The following SON variants were observed in gnomAD, a reference collection of about 807,000 sequenced individuals.
The protein encoded by SON is protein SON.
SON carries 4 observed loss-of-function variants against 173.3 expected under a neutral mutation model. The observed-to-expected ratio is 0.02, with a 90% confidence interval of 0.01 to 0.05. The LOEUF is 0.05. Ranked by LOEUF, SON falls within the 10% of genes least tolerant of loss-of-function variation. The probability of loss-of-function intolerance (pLI) is 1.00; values close to 1 mark genes in which losing one functional copy is unlikely to be tolerated. For missense variants in SON, 2,626 were observed against 3,055.3 expected (o/e 0.86, Z 3.31); for synonymous variants, 1,190 against 1,105.9 (o/e 1.08, Z -1.51).
At chr21:33,556,948 CTT>C (rs1275588148) in intron 3 of SON, among the ~76,000 whole-genome samples, 2 of 151,176 alleles carry the variant, frequency 1.3e-5, no homozygotes, top group Non-Finnish European at 2.9e-5. Context: ...TGCTGAAAAA[CTT>C]TGAGCCAGTG....
chr21:33,556,687 C>T (rs1158355132), intron 3 of SON, among the ~76,000 whole-genome samples: 3 of 146,764 alleles, frequency 2.0e-5, no homozygotes. Flanking sequence ...GCACTGCAGC[C>T]TGGGCGACAG....
chr21:33,543,320 C>T (rs946173973), intron 1 of SON, 151 bp downstream of exon 1: 3 of 668,290 alleles, frequency 4.5e-6, no homozygotes, highest in Admixed American at 2.5e-5. Flanking sequence ...CGGGCCCCCC[C>T]CAACCGCCCC....
chr21:33,572,408 G>A (rs1420267059), intron 8 of SON: 3 of 403,660 alleles, frequency 7.4e-6, no homozygotes, highest in African/African-American at 2.1e-5. Flanking sequence ...CCATGCTAAT[G>A]TATATATACT....
At chr21:33,573,052 A>T in intron 8 of SON, 1 of 310,500 alleles carries the variant, frequency 3.2e-6, no homozygotes, top group Non-Finnish European at 5.9e-6. Flanking sequence ...TTTTTTTTTG[A>T]GGGGGGCACG....
chr21:33,562,546 C>T (rs1029978004), intron 6 of SON, among the ~76,000 whole-genome samples: 1 of 152,112 alleles, frequency 6.6e-6, no homozygotes, highest in African/African-American at 2.4e-5. Flanking sequence ...TGCTCTTTGA[C>T]ATGAGTATGA....
chr21:33,558,156 C>T (rs1045089063), intron 4 of SON: 1 of 152,758 alleles, frequency 6.5e-6, no homozygotes, highest in African/African-American at 2.4e-5. Flanking sequence ...AGCTTTTTAT[C>T]CTATTGTAAT....
At chr21:33,572,473 TG>T in intron 8 of SON, 1 of 842,098 alleles carries the variant, frequency 1.2e-6, no homozygotes. Flanking sequence ...TATGGTTCAG[TG>T]GGTTGGATAC....
chr21:33,570,612 T>A (rs2145876986), intron 8 of SON, among the ~76,000 whole-genome samples: 1 of 152,322 alleles, frequency 6.6e-6, no homozygotes, highest in Non-Finnish European at 1.5e-5. Context: ...TTATAGTTAC[T>A]ATGAAAGTGA....
At chr21:33,557,396 T>C in intron 4 of SON, 80 bp downstream of exon 4, 1 of 1,562,696 alleles carries the variant, frequency 6.4e-7, no homozygotes. Flanking sequence ...AAAACCCGAA[T>C]TGTGGGCAGA....
chr21:33,569,806 C>T, intron 8 of SON: 1 of 234,292 alleles, frequency 4.3e-6, no homozygotes, highest in Non-Finnish European at 8.8e-6. Context: ...CTGTGGACCA[C>T]CATTTAGGCC....
Position 33,554,379 on chromosome 21 carries a change from G to T in SON, c.5148G>T (p.Leu1716=), listed in dbSNP as rs2085905975. Residue 1716 remains leucine, a synonymous_variant, in exon 3 of 12, where the codon CTG becomes CTT. Coordinates refer to ENST00000356577, the MANE Select transcript of SON (RefSeq NM_138927.4). ...TACCTCCCCCTCCTAAAGAGACACTGCCTGATTCAGGATTTTCTGCCAATA... is the reference window on the plus strand; with the variant it reads ...TACCTCCCCCTCCTAAAGAGACACTTCCTGATTCAGGATTTTCTGCCAATA... ...KEVPPPPKET[L]PDSGFSANIE... 1.2e-5 allele frequency: 20 copies of T among 1,614,202 alleles called. No individual in the cohort carries two copies. Among genetic ancestry groups the T allele is most frequent in the Non-Finnish European group, 1.7e-5 (20 of 1,180,020 alleles).
At chr21:33,562,736 A>G (rs1355274069) in intron 6 of SON, among the ~76,000 whole-genome samples, 5 of 152,232 alleles carry the variant, frequency 3.3e-5, no homozygotes. Flanking sequence ...TTTATAAACA[A>G]TGAAATAAAA....
rs565026506 is a variant in SON, at chr21:33,546,398, A to G, written c.244+19A>G. On this transcript the variant is annotated intron_variant, in intron 2 of 11. Transcript: ENST00000356577. ...AAGCCAGGTAAGTTGGAGATAATTA[A>G]CTGTCTCAAAAATTTTCTTTTAAGA... is the stretch of plus-strand genomic sequence containing the variant. The G allele has an allele frequency of 5.1e-6, 8 of 1,570,924 alleles. No individual in the cohort carries two copies. Among genetic ancestry groups the G allele is most frequent in the African/African-American group, 1.4e-5 (1 of 72,278 alleles).
chr21:33,567,472 G>A (rs1365609315), intron 7 of SON: 1 of 549,910 alleles, frequency 1.8e-6, no homozygotes, highest in Non-Finnish European at 3.3e-6. Flanking sequence ...TTACTATGTG[G>A]CAGGAACTGT....
At chr21:33,565,369 G>A (rs1244229032) in intron 6 of SON, among the ~76,000 whole-genome samples, 1 of 152,104 alleles carries the variant, frequency 6.6e-6, no homozygotes, top group Non-Finnish European at 1.5e-5. Flanking sequence ...CTAACACTTA[G>A]ATTTATAGAG....
chr21:33,546,812 G>A (rs2085627183), intron 2 of SON: 1 of 152,418 alleles, frequency 6.6e-6, no homozygotes, highest in Admixed American at 6.6e-5. Context: ...GTAAATTTAA[G>A]CTTTTGTTTA....
chr21:33,562,722 T>C (rs537621643), intron 6 of SON, among the ~76,000 whole-genome samples: 29 of 152,326 alleles, frequency 1.9e-4, no homozygotes, highest in Non-Finnish European at 4.0e-4. Context: ...TTGTGTGAAT[T>C]TGATTTATAA....
chr21:33,575,675 C>A lies in SON; in HGVS notation c.7105+8C>A. On this transcript the variant is annotated splice_region_variant and intron_variant, in intron 10 of 11. Transcript: ENST00000356577. ...CAATGAAAGATCTGTCAGGTGAGAG[C>A]ACGTTTTTGAATTTCCTCTTACCCT... The A allele has an allele frequency of 6.2e-7, 1 of 1,608,998 alleles. No individual in the cohort carries two copies. The highest frequency in any genetic ancestry group is 8.5e-7 in the Non-Finnish European group (1 of 1,176,552).
chr21:33,576,092 A>AAAG (rs561759412), intron 11 of SON, among the ~76,000 whole-genome samples, 199 bp downstream of exon 11: 227 of 152,248 alleles, frequency 1.5e-3, no homozygotes, highest in Middle Eastern at 3.4e-3. Context: ...AAATTGGAAA[A>AAAG]GGGTAAAATA....
Sources: allele counts gnomAD v4.1 joint callset (sites outside exome capture counted in the v4.1 genomes callset), GRCh38; gene constraint gnomAD v4.1.1; transcripts MANE v1.5; gene names NCBI Gene and HGNC (gene_info 2026-07-23, HGNC 2026-07-21).